Variants in CCDC85A observed in about 807,000 individuals in gnomAD.
The protein encoded by CCDC85A is coiled-coil domain-containing protein 85A.
A neutral mutation model predicts 50.2 loss-of-function variants in CCDC85A; 38 were observed. The observed-to-expected ratio is 0.76, with a 90% CI of 0.58 to 0.99. The LOEUF (loss-of-function observed/expected upper bound fraction) is 0.99. Among genes scored for constraint, CCDC85A ranks in the 50% least tolerant of loss-of-function variants. The pLI is 0.00. For synonymous variants in CCDC85A, 366 were observed against 301.4 expected (o/e 1.21, Z -2.22); for missense variants, 820 against 742.0 (o/e 1.11, Z -1.22).
intron 5 of CCDC85A, among the ~76,000 whole-genome samples, chr2:56,380,091 C>T (rs920058908): frequency 2.6e-5 from 4 of 152,068 alleles, no homozygotes; most frequent in Non-Finnish European, 2.9e-5. Flanking sequence ...ACTCTACAAA[C>T]ATTTGCTAAT....
intron 2 of CCDC85A, among the ~76,000 whole-genome samples, chr2:56,226,237 A>G (rs1233758282): frequency 6.6e-6 from 1 of 152,214 alleles, no homozygotes; most frequent in Non-Finnish European, 1.5e-5. Flanking sequence ...TAATTTCCTC[A>G]TCCATAAAAT....
intron 3 of CCDC85A, among the ~76,000 whole-genome samples, chr2:56,344,313 G>T (rs973894995): frequency 6.6e-6 from 1 of 152,100 alleles, no homozygotes; most frequent in Admixed American, 6.5e-5. Context: ...TGTGACCATT[G>T]GTCTGATCAT....
chr2:56,231,682 G>C (rs1042194928), intron 2 of CCDC85A, among the ~76,000 whole-genome samples: 1 of 152,072 alleles, frequency 6.6e-6, no homozygotes, highest in Non-Finnish European at 1.5e-5. Context: ...CTTTAGACGG[G>C]TCTCTCTATA....
chr2:56,209,191 A>G (rs1055672997), intron 2 of CCDC85A, among the ~76,000 whole-genome samples: 4 of 152,134 alleles, frequency 2.6e-5, no homozygotes, highest in African/African-American at 7.2e-5. Flanking sequence ...ACAGATGGCT[A>G]TGGTACAGTG....
At chr2:56,257,728 G>T (rs753451882) in intron 2 of CCDC85A, among the ~76,000 whole-genome samples, 9 of 152,188 alleles carry the variant, frequency 5.9e-5, no homozygotes, top group Non-Finnish European at 8.8e-5. Context: ...TTAGAGAACA[G>T]ATACTGAAGG....
At chr2:56,350,189 CAG>C (rs753814084) in intron 3 of CCDC85A, among the ~76,000 whole-genome samples, 55 of 140,254 alleles carry the variant, frequency 3.9e-4, no homozygotes, top group Admixed American at 1.6e-3. Flanking sequence ...TTTTTTGAGA[CAG>C]AGTCTCGCTC....
At chr2:56,362,660 C>T (rs80331553) in intron 3 of CCDC85A, among the ~76,000 whole-genome samples, 1 of 151,944 alleles carries the variant, frequency 6.6e-6, no homozygotes, top group Non-Finnish European at 1.5e-5. Flanking sequence ...GCTCTGTCAC[C>T]CAGGCTGGAG....
intron 2 of CCDC85A, among the ~76,000 whole-genome samples, chr2:56,274,298 G>A (rs546437475): frequency 1.3e-5 from 2 of 152,158 alleles, no homozygotes; most frequent in Admixed American, 6.5e-5. Flanking sequence ...GTATGTAAGT[G>A]TGTGTATTAT....
At chr2:56,191,656 AAG>A (rs1382853616) in intron 1 of CCDC85A, among the ~76,000 whole-genome samples, 1 of 152,204 alleles carries the variant, frequency 6.6e-6, no homozygotes, top group Non-Finnish European at 1.5e-5. Context: ...GTGGAACAGA[AAG>A]AGGGGGCATT....
intron 2 of CCDC85A, among the ~76,000 whole-genome samples, chr2:56,283,396 A>G (rs1671292769): frequency 6.6e-6 from 1 of 152,128 alleles, no homozygotes; most frequent in Non-Finnish European, 1.5e-5. Context: ...TCTTTATTAC[A>G]CTAAAATGTG....
At chr2:56,360,535 T>G (rs1675471576) in intron 3 of CCDC85A, among the ~76,000 whole-genome samples, 1 of 152,248 alleles carries the variant, frequency 6.6e-6, no homozygotes, top group South Asian at 2.1e-4. Flanking sequence ...AATTCTAGTT[T>G]TTAAGTTTCT....
At chr2:56,216,267 C>T (rs1449344506) in intron 2 of CCDC85A, among the ~76,000 whole-genome samples, 1 of 151,700 alleles carries the variant, frequency 6.6e-6, no homozygotes, top group African/African-American at 2.4e-5. Context: ...GCAATGTGTC[C>T]ATCTTCAGCT....
Position 56,236,281 on chromosome 2 carries a change from T to C in CCDC85A, c.1240+42841T>C, listed in dbSNP as rs552475483. Among the ~76,000 whole-genome samples, 14 of 152,284 alleles carry C rather than the reference T, an allele frequency of 9.2e-5. No individual in the cohort carries two copies. The East Asian group carries it at 1.2e-3, about 13-fold the overall frequency. On this transcript the variant is annotated intron_variant, in intron 2 of 5. Coordinates refer to ENST00000407595, the MANE Select transcript of CCDC85A (RefSeq NM_001080433.2). ...AGGAAGGCAGTAGGAAGCTGCTCCC[T>C]GTGTTTGAGCAGAGAAGCAACACAA...
At chr2:56,273,928 T>C (rs2104073509) in intron 2 of CCDC85A, among the ~76,000 whole-genome samples, 1 of 152,316 alleles carries the variant, frequency 6.6e-6, no homozygotes, top group East Asian at 1.9e-4. Context: ...CAAACTATGC[T>C]AGTGAGAAAA....
chr2:56,253,010 C>G (rs571705295), intron 2 of CCDC85A, among the ~76,000 whole-genome samples: 2 of 149,934 alleles, frequency 1.3e-5, no homozygotes, highest in African/African-American at 4.9e-5. Context: ...CAAAGCAAGA[C>G]TCCATCTCAA....
intron 2 of CCDC85A, among the ~76,000 whole-genome samples, chr2:56,306,536 A>G (rs1023410479): frequency 1.3e-5 from 2 of 152,130 alleles, no homozygotes; most frequent in African/African-American, 2.4e-5. Flanking sequence ...TTACATCCAA[A>G]TGTCAGAAAA....
At chr2:56,354,383 A>G (rs1025360554) in intron 3 of CCDC85A, among the ~76,000 whole-genome samples, 4 of 152,258 alleles carry the variant, frequency 2.6e-5, no homozygotes, top group Admixed American at 1.3e-4. Flanking sequence ...GAAGCTGCAT[A>G]TAAATCAAAG....
intron 2 of CCDC85A, among the ~76,000 whole-genome samples, chr2:56,287,557 C>T (rs895206247): frequency 2.0e-5 from 3 of 152,176 alleles, no homozygotes; most frequent in African/African-American, 7.2e-5. Context: ...GTTCCAATAA[C>T]TCTGTCATGA....
intron 2 of CCDC85A, among the ~76,000 whole-genome samples, chr2:56,332,010 G>A (rs528686968): frequency 6.6e-5 from 10 of 150,544 alleles, no homozygotes; most frequent in East Asian, 6.1e-4. Context: ...CTGCCCCGCC[G>A]TGCATTGCAC....
Sources: gnomAD v4.1 joint callset for allele counts (sites outside exome capture counted in the v4.1 genomes callset) on GRCh38, gnomAD v4.1.1 for gene constraint, MANE v1.5 for transcripts, NCBI Gene and HGNC (gene_info 2026-07-23, HGNC 2026-07-21) for gene names.